The following CFI variants were observed in gnomAD, a reference collection of about 807,000 sequenced individuals.
CFI encodes the protein complement factor I.
A neutral mutation model predicts 78.8 loss-of-function variants in CFI; 66 were observed. That is an observed-to-expected ratio of 0.84 (90% CI 0.69 to 1.03). The LOEUF is 1.03. CFI is among the 50% of genes least tolerant of loss of function. The pLI is 0.00. For synonymous variants in CFI, 250 were observed against 232.6 expected, an observed-to-expected ratio of 1.07 and a Z score of -0.68; for missense variants, 706 against 704.5, an observed-to-expected ratio of 1.00 and a Z score of -0.02.
At chr4:109,777,262 T>C (rs1579271016) in intron 1 of CFI, among the ~76,000 whole-genome samples, 1 of 151,816 alleles carries the variant, frequency 6.6e-6, no homozygotes, top group Non-Finnish European at 1.5e-5. Flanking sequence ...AGGCTCAAAA[T>C]AAAGGGATGG....
intron 1 of CFI, among the ~76,000 whole-genome samples, chr4:109,798,303 C>T (rs4698787): frequency 0.18 from 27,199 of 152,070 alleles, 4,611 homozygotes; most frequent in African/African-American, 0.43. Context: ...GCTAAGAGCA[C>T]AATTTCTTTG....
intron 1 of CFI, among the ~76,000 whole-genome samples, chr4:109,768,058 C>G (rs1728009262): frequency 7.0e-6 from 1 of 142,384 alleles, no homozygotes; most frequent in Admixed American, 7.8e-5. Flanking sequence ...CACATCGTCT[C>G]ACTCATAGGT....
intron 1 of CFI, among the ~76,000 whole-genome samples, chr4:109,791,761 C>A (rs1371173476): frequency 6.6e-6 from 1 of 152,010 alleles, no homozygotes; most frequent in Non-Finnish European, 1.5e-5. Flanking sequence ...AAGGGTGCAG[C>A]CTTATTTCTG....
At chr4:109,777,684 T>C (rs1355567651) in intron 1 of CFI, among the ~76,000 whole-genome samples, 2 of 152,222 alleles carry the variant, frequency 1.3e-5, no homozygotes, top group Non-Finnish European at 2.9e-5. Context: ...TATACATTCT[T>C]CTCAGCACCA....
intron 1 of CFI, among the ~76,000 whole-genome samples, chr4:109,772,706 G>A (rs771511569): frequency 9.9e-5 from 15 of 151,992 alleles, no homozygotes; most frequent in Non-Finnish European, 1.8e-4. Context: ...AGTCTCCTGA[G>A]TAGCTAGGAC....
chr4:109,770,558 A>G (rs1289172449), intron 1 of CFI, among the ~76,000 whole-genome samples: 1 of 758 alleles, frequency 1.3e-3, no homozygotes, highest in African/African-American at 1.5e-3. Context: ...TCCATCTCTA[A>G]AAAAAAAAAA....
chr4:109,787,879 A>AT (rs1165145594), intron 1 of CFI, among the ~76,000 whole-genome samples: 4 of 151,968 alleles, frequency 2.6e-5, no homozygotes, highest in Non-Finnish European at 5.9e-5. Flanking sequence ...TTTTTAATAG[A>AT]TTTTTTTGAA....
intron 3 of CFI, among the ~76,000 whole-genome samples, chr4:109,763,946 C>T (rs28521906): frequency 0.013 from 1,976 of 148,646 alleles, 32 homozygotes; most frequent in African/African-American, 0.046. Context: ...TATTCTGAAC[C>T]AAACAATAAA....
At chr4:109,766,032 G>C (rs901110388) in intron 2 of CFI, among the ~76,000 whole-genome samples, 1 of 152,000 alleles carries the variant, frequency 6.6e-6, no homozygotes, top group Admixed American at 6.6e-5. Flanking sequence ...GCAGGAGAAT[G>C]GCATGAACCC....
At chr4:109,740,652 G>A (rs1268625124), downstream of CFI, 40 of 517,424 alleles carry the variant, frequency 7.7e-5, no homozygotes, top group Middle Eastern at 5.3e-4. Context: ...AATCACTCCC[G>A]CATTGAGATA....
chr4:109,783,949 T>C (rs2125851330), intron 1 of CFI, among the ~76,000 whole-genome samples: 1 of 151,276 alleles, frequency 6.6e-6, no homozygotes, highest in Admixed American at 6.6e-5. Flanking sequence ...AAACCAAATA[T>C]CGTACGTTCT....
At position 109,801,919 on chromosome 4, in the gene CFI, CA is replaced by C; in HGVS notation, c.52del (p.Cys18AlafsTer17). ...CATAAAGGTTGAATTACTTACCTTG[CA>C]AAACCTTAAGTGGAAGCACAGAAAT... ...LLFLCFHLRF[C>X]KVTYTSQEDL... On this transcript the variant is annotated frameshift_variant, in exon 1 of 13. Coordinates refer to ENST00000394634, the MANE Select transcript of CFI (RefSeq NM_000204.5). LOFTEE classifies it high-confidence loss of function. The C allele has an allele frequency of 6.2e-7, 1 of 1,608,824 alleles. No homozygotes were observed. The highest frequency in any genetic ancestry group is 1.1e-5 in the South Asian group (1 of 90,422).
chr4:109,779,549 C>T (rs1355683053), intron 1 of CFI, among the ~76,000 whole-genome samples: 1 of 152,108 alleles, frequency 6.6e-6, no homozygotes, highest in African/African-American at 2.4e-5. Context: ...GTGAAAATGG[C>T]CATACTACCC....
At chr4:109,742,413 G>A (rs1723910482) in intron 12 of CFI, 78 bp downstream of exon 12, 1 of 946,096 alleles carries the variant, frequency 1.1e-6, no homozygotes, top group African/African-American at 1.6e-5. Flanking sequence ...AAGCATGGGG[G>A]CTGATGTGGT....
chr4:109,731,804 T>G, the CFI span, among the ~76,000 whole-genome samples: 1 of 152,236 alleles, frequency 6.6e-6, no homozygotes, highest in East Asian at 1.9e-4. Context: ...TGAGAAGTCA[T>G]GTGACAGTAT....
intron 7 of CFI, among the ~76,000 whole-genome samples, chr4:109,757,174 T>G (rs1486221195): frequency 2.7e-5 from 4 of 149,568 alleles, no homozygotes; most frequent in Admixed American, 6.6e-5. Context: ...GACTATAGGC[T>G]CCCGCCACCA....
the CFI span, among the ~76,000 whole-genome samples, chr4:109,731,688 AC>A: frequency 6.6e-6 from 1 of 152,126 alleles, no homozygotes; most frequent in East Asian, 1.9e-4. Context: ...CAGCCCCTCA[AC>A]CAGGAGTCTT....
chr4:109,760,545 T>G lies in CFI; in HGVS notation c.750A>C (p.Gln250His), dbSNP rs1726924691. 7 of 1,596,750 alleles carry G rather than the reference T, an allele frequency of 4.4e-6. No individual in the cohort carries two copies. The East Asian group carries it at 1.6e-4, about 36-fold the overall frequency. Residue 250 changes from glutamine (Q) to histidine (H), a missense_variant, in exon 5 of 13, where the codon CAA (glutamine) becomes CAC (histidine). Transcript: ENST00000394634. ...ACDGINDCGD[Q>H]SDELCCKACQ... The stretch of plus-strand genomic sequence containing the variant: ...TACCTTTACAACACAGTTCATCACT[T>G]TGGTCTCCACAATCATTGATACCAT...
intron 11 of CFI, among the ~76,000 whole-genome samples, chr4:109,744,303 A>C (rs890938713): frequency 6.6e-6 from 1 of 152,164 alleles, no homozygotes; most frequent in African/African-American, 2.4e-5. Context: ...TTCATGGGTG[A>C]AATTATATGA....
Sources: gnomAD v4.1 joint callset for allele counts (sites outside exome capture counted in the v4.1 genomes callset) on GRCh38, gnomAD v4.1.1 for gene constraint, MANE v1.5 for transcripts, NCBI Gene and HGNC (gene_info 2026-07-23, HGNC 2026-07-21) for gene names.